EPB41L4A: variants seen among roughly 807,000 people sequenced by gnomAD.
EPB41L4A encodes the protein band 4.1-like protein 4A.
Under a neutral mutation model 108.6 loss-of-function variants are expected in EPB41L4A, and 100 were observed. That is an observed-to-expected ratio of 0.92 (90% CI 0.78 to 1.09). The LOEUF (loss-of-function observed/expected upper bound fraction) is 1.09, where lower values mean the gene tolerates loss of function less well. EPB41L4A is among the 50% of genes least tolerant of loss of function. EPB41L4A has a pLI of 0.00. For synonymous variants in EPB41L4A, 319 were observed against 289.0 expected (o/e 1.10, Z -1.05); for missense variants, 1,030 against 842.7 (o/e 1.22, Z -2.75).
At chr5:112,404,900 G>A (rs759718526) in intron 1 of EPB41L4A, among the ~76,000 whole-genome samples, 46 of 152,230 alleles carry the variant, frequency 3.0e-4, no homozygotes, top group Non-Finnish European at 2.4e-4. Context: ...GGCCTTCAGA[G>A]ACACAGTCCA....
Position 112,224,118 on chromosome 5 carries a change from A to C in EPB41L4A, c.1087+10516T>G, listed in dbSNP as rs1748280712. ...AGGCGCCTGCCACTGCGTCCGGCTA[A>C]TTTTTGTATTTTTAGTAGAGACAGG... On this transcript the variant is annotated intron_variant, in intron 12 of 22. Transcript: ENST00000261486. 1.3e-5 allele frequency among the ~76,000 whole-genome samples: 2 copies of C among 151,920 alleles called. 1 individual carries two copies. The highest frequency in any genetic ancestry group is 4.2e-4 in the South Asian group (2 of 4,808).
chr5:112,341,405 C>T (rs571883735), intron 1 of EPB41L4A, among the ~76,000 whole-genome samples: 2 of 152,216 alleles, frequency 1.3e-5, no homozygotes, highest in African/African-American at 2.4e-5. Context: ...GTATTGTATT[C>T]GGTACCGTTG....
chr5:112,331,271 C>A (rs563105540), intron 1 of EPB41L4A, among the ~76,000 whole-genome samples: 1 of 152,226 alleles, frequency 6.6e-6, no homozygotes, highest in Non-Finnish European at 1.5e-5. Flanking sequence ...TGGTGCCCTG[C>A]TATCATTCCA....
intron 1 of EPB41L4A, among the ~76,000 whole-genome samples, chr5:112,357,593 A>T (rs1274638293): frequency 1.3e-5 from 2 of 152,222 alleles, no homozygotes; most frequent in Admixed American, 6.5e-5. Flanking sequence ...CTTCTACAGC[A>T]TGACATCTCC....
chr5:112,151,888 G>T (rs1222027523), intron 12 of EPB41L4A, among the ~76,000 whole-genome samples: 1 of 151,842 alleles, frequency 6.6e-6, no homozygotes, highest in Non-Finnish European at 1.5e-5. Context: ...ATGCCACCAC[G>T]CCTGGCTAAT....
At chr5:112,352,898 T>C (rs1288590608) in intron 1 of EPB41L4A, among the ~76,000 whole-genome samples, 1 of 152,224 alleles carries the variant, frequency 6.6e-6, no homozygotes, top group East Asian at 1.9e-4. Context: ...TCCATGTTAA[T>C]TGTATTCTTA....
intron 3 of EPB41L4A, among the ~76,000 whole-genome samples, chr5:112,275,696 T>C: frequency 6.6e-6 from 1 of 152,122 alleles, no homozygotes; most frequent in East Asian, 1.9e-4. Flanking sequence ...ATAGTATATA[T>C]GTAATTTTTC....
rs757078967 is a variant in EPB41L4A at position 112,275,297 on chromosome 5, T to C, written c.335+29A>G. 11 of 1,524,484 alleles carry C rather than the reference T, an allele frequency of 7.2e-6. No homozygotes were observed. In the East Asian group the frequency reaches 2.5e-4, roughly 34 times the overall value. 94.4% of individuals were successfully genotyped at this position (1,524,484 alleles called of 1,614,324 possible). A position where few individuals can be genotyped will look rare whatever the true frequency, so the allele number is the denominator to read the frequency against. On this transcript the variant is annotated intron_variant, in intron 4 of 22. Transcript: ENST00000261486. ...GCTTTTTGTATATGCAATGCATGTA[T>C]CTGTTCAAAAACAAAGTCAATACTA...
chr5:112,343,194 G>A (rs988381745), intron 1 of EPB41L4A, among the ~76,000 whole-genome samples: 13 of 152,088 alleles, frequency 8.5e-5, no homozygotes, highest in Admixed American at 2.0e-4. Context: ...AACAGCCCCC[G>A]AAAAACACTT....
upstream of EPB41L4A, chr5:112,419,803 C>G: frequency 2.2e-6 from 1 of 456,734 alleles, no homozygotes; most frequent in Non-Finnish European, 4.4e-6. Flanking sequence ...GTGTGGCTCC[C>G]GTCCGGGGAC....
chr5:112,417,403 T>C (rs1307425569), intron 1 of EPB41L4A, among the ~76,000 whole-genome samples: 1 of 152,230 alleles, frequency 6.6e-6, no homozygotes, highest in Non-Finnish European at 1.5e-5. Context: ...ATTTCTTTAC[T>C]GTCTTAGTAT....
intron 1 of EPB41L4A, among the ~76,000 whole-genome samples, chr5:112,376,941 T>C (rs1439040102): frequency 1.3e-5 from 2 of 152,106 alleles, no homozygotes; most frequent in African/African-American, 4.8e-5. Flanking sequence ...CGGTGGCTCA[T>C]TCCTCTAATC....
At chr5:112,378,951 T>C (rs1759992451) in intron 1 of EPB41L4A, among the ~76,000 whole-genome samples, 1 of 152,178 alleles carries the variant, frequency 6.6e-6, no homozygotes, top group South Asian at 2.1e-4. Context: ...TGATGTGTTC[T>C]CCAGCAGTCC....
chr5:112,316,836 G>C (rs1755456793), intron 1 of EPB41L4A, among the ~76,000 whole-genome samples: 1 of 152,150 alleles, frequency 6.6e-6, no homozygotes, highest in South Asian at 2.1e-4. Context: ...AACCCAGGAT[G>C]GCTTCATTCA....
intron 12 of EPB41L4A, among the ~76,000 whole-genome samples, chr5:112,234,426 G>T (rs1749183628): frequency 1.3e-5 from 2 of 151,846 alleles, no homozygotes; most frequent in African/African-American, 4.8e-5. Flanking sequence ...AGGCCATGGT[G>T]ATTCAAGATG....
intron 1 of EPB41L4A, among the ~76,000 whole-genome samples, chr5:112,395,230 C>A (rs200183705): frequency 6.6e-6 from 1 of 151,988 alleles, no homozygotes; most frequent in African/African-American, 2.4e-5. Context: ...GCAACAAAAG[C>A]CAAAATTGAC....
intron 17 of EPB41L4A, among the ~76,000 whole-genome samples, chr5:112,185,630 A>G (rs1431864366): frequency 6.6e-6 from 1 of 152,226 alleles, no homozygotes; most frequent in Non-Finnish European, 1.5e-5. Context: ...GATTAACAGG[A>G]TACTGTCAAG....
chr5:112,300,469 T>C (rs1231565065), intron 2 of EPB41L4A, among the ~76,000 whole-genome samples: 1 of 152,188 alleles, frequency 6.6e-6, no homozygotes, highest in African/African-American at 2.4e-5. Context: ...AGGCTGCAGA[T>C]AGGGACCCAA....
chr5:112,145,185 G>T (rs1221435241), intron 13 of EPB41L4A, among the ~76,000 whole-genome samples: 1 of 152,184 alleles, frequency 6.6e-6, no homozygotes, highest in Non-Finnish European at 1.5e-5. Context: ...AGCTACTTGG[G>T]AGGCTGAGGT....
Sources: allele counts gnomAD v4.1 joint callset (sites outside exome capture counted in the v4.1 genomes callset), GRCh38; gene constraint gnomAD v4.1.1; transcripts MANE v1.5; gene names NCBI Gene and HGNC (gene_info 2026-07-23, HGNC 2026-07-21).